The following KDM4C variants were observed in gnomAD, a reference collection of about 807,000 sequenced individuals.
KDM4C encodes lysine-specific demethylase 4C.
A neutral mutation model predicts 129.3 loss-of-function variants in KDM4C; 81 were observed. The ratio of observed to expected loss-of-function variants is 0.63; its 90% CI spans 0.52 to 0.75. KDM4C has a LOEUF of 0.75. KDM4C is among the 30% of genes least tolerant of loss of function. The pLI, the probability that KDM4C is intolerant of heterozygous loss-of-function variation, is 0.00. For missense variants in KDM4C, 1,457 were observed against 1,304.0 expected, an observed-to-expected ratio of 1.12 and a Z score of -1.81; for synonymous variants, 573 against 456.1, an observed-to-expected ratio of 1.26 and a Z score of -3.26.
chr9:7,140,865 A>C (rs1394232590), intron 19 of KDM4C, among the ~76,000 whole-genome samples: 2 of 152,282 alleles, frequency 1.3e-5, no homozygotes, highest in African/African-American at 4.8e-5. Context: ...AATATGATCC[A>C]GTAAGAGCAT....
chr9:7,012,321 C>A (rs553174098), intron 13 of KDM4C, among the ~76,000 whole-genome samples: 2 of 152,264 alleles, frequency 1.3e-5, no homozygotes, highest in South Asian at 4.1e-4. Flanking sequence ...TCAAGCAATC[C>A]TTCCGCTTTG....
At chr9:7,168,436 T>A (rs1321259688) in intron 20 of KDM4C, among the ~76,000 whole-genome samples, 1 of 152,212 alleles carries the variant, frequency 6.6e-6, no homozygotes, top group African/African-American at 2.4e-5. Flanking sequence ...GATTAGTTCA[T>A]GTTGTATTAA....
In KDM4C at chr9:7,028,040, C is replaced by T. The variant is rs546800965; in HGVS notation, c.2259+12111C>T. ...GTAAAGAAATGCTAAGAGCCAAGGC[C>T]TGGAATTGAGGACCCCAAGATCCTG... On this transcript the variant is annotated intron_variant, in intron 15 of 21. Transcript: ENST00000381309. Among the ~76,000 whole-genome samples the T allele has an allele frequency of 2.0e-5, 3 of 152,302 alleles. No individual in the cohort carries two copies. In the East Asian group the frequency reaches 5.8e-4, roughly 29 times the overall value.
intron 8 of KDM4C, among the ~76,000 whole-genome samples, chr9:6,898,466 CTTTTA>C (rs1040820067): frequency 8.5e-5 from 13 of 152,066 alleles, no homozygotes; most frequent in Admixed American, 3.9e-4. Flanking sequence ...AAAATGATAT[CTTTTA>C]TTTTAATTTT....
intron 8 of KDM4C, among the ~76,000 whole-genome samples, chr9:6,968,977 C>G (rs1175880114): frequency 6.6e-6 from 1 of 152,056 alleles, no homozygotes; most frequent in Non-Finnish European, 1.5e-5. Context: ...TGCTCTGTCA[C>G]CCAAGCTGGA....
At chr9:6,826,293 T>C (rs1833857251) in intron 4 of KDM4C, among the ~76,000 whole-genome samples, 1 of 152,118 alleles carries the variant, frequency 6.6e-6, no homozygotes, top group Admixed American at 6.5e-5. Flanking sequence ...CACTTTAAGG[T>C]AAAAGTTACC....
chr9:6,773,840 A>C (rs548469356), intron 1 of KDM4C, among the ~76,000 whole-genome samples: 1 of 151,734 alleles, frequency 6.6e-6, no homozygotes, highest in East Asian at 1.9e-4. Flanking sequence ...GATTGGGGGA[A>C]GAGACCTAGG....
In KDM4C at chr9:7,057,917, T is replaced by C. The variant is rs117824132; in HGVS notation, c.2424+8717T>C. On this transcript the variant is annotated intron_variant, in intron 17 of 21. Coordinates refer to ENST00000381309, the MANE Select transcript of KDM4C (RefSeq NM_015061.6). ...CTTCATTTTGAGCACGGACATCGCA[T>C]GTTGAAAAGCGATCTTGTTCAGGAC... Among the ~76,000 whole-genome samples the C allele has an allele frequency of 3.0e-3, 452 of 152,324 alleles. 9 individuals carry two copies. In the East Asian group the frequency reaches 0.052, roughly 17 times the overall value.
chr9:6,977,070 A>G (rs1175519834), intron 8 of KDM4C, among the ~76,000 whole-genome samples: 1 of 152,022 alleles, frequency 6.6e-6, no homozygotes, highest in East Asian at 1.9e-4. Context: ...CTGGTCTAGA[A>G]CTCCTGGGAT....
At chr9:7,004,262 A>G (rs1415931310) in intron 12 of KDM4C, among the ~76,000 whole-genome samples, 2 of 152,220 alleles carry the variant, frequency 1.3e-5, no homozygotes, top group East Asian at 1.9e-4. Context: ...TGAGTGAGTG[A>G]ACGAATCTGG....
chr9:7,064,885 C>G (rs1197605708), intron 17 of KDM4C, among the ~76,000 whole-genome samples: 3 of 152,174 alleles, frequency 2.0e-5, no homozygotes, highest in Non-Finnish European at 4.4e-5. Flanking sequence ...GATAATGTAT[C>G]TATCACCCCA....
intron 18 of KDM4C, among the ~76,000 whole-genome samples, chr9:7,122,265 A>ACACACACACTCTCTCTCT (rs375655422): frequency 4.2e-4 from 61 of 144,814 alleles, no homozygotes; most frequent in African/African-American, 1.5e-3. Flanking sequence ...ACACACACAC[A>ACACACACACTCTCTCTCT]CTCTCTCTCT....
intron 1 of KDM4C, among the ~76,000 whole-genome samples, chr9:6,747,843 T>G (rs1039133251): frequency 1.1e-4 from 17 of 152,140 alleles, no homozygotes; most frequent in African/African-American, 4.1e-4. Flanking sequence ...ATCACTGCCT[T>G]ACTGGCATTT....
At chr9:6,911,835 G>C (rs571057545) in intron 8 of KDM4C, among the ~76,000 whole-genome samples, 6 of 152,308 alleles carry the variant, frequency 3.9e-5, no homozygotes, top group Non-Finnish European at 8.8e-5. Context: ...CTGGGGCTCG[G>C]GGAGGTGGCA....
chr9:7,023,640 A>T (rs1825273403), intron 15 of KDM4C, among the ~76,000 whole-genome samples: 1 of 150,914 alleles, frequency 6.6e-6, no homozygotes, highest in Admixed American at 6.6e-5. Flanking sequence ...ACTTATTTCT[A>T]CTCTGATCTT....
At chr9:6,771,678 A>G (rs182659500) in intron 1 of KDM4C, among the ~76,000 whole-genome samples, 1 of 152,204 alleles carries the variant, frequency 6.6e-6, no homozygotes, top group African/African-American at 2.4e-5. Context: ...ATGGCCTCCC[A>G]TGAGTCCTTC....
chr9:7,066,547 A>G (rs1238322502), intron 17 of KDM4C, among the ~76,000 whole-genome samples: 2 of 152,242 alleles, frequency 1.3e-5, no homozygotes, highest in African/African-American at 4.8e-5. Context: ...ATATGATGGA[A>G]TTATTTTAAG....
intron 4 of KDM4C, chr9:6,834,567 C>G (rs1835514545): frequency 2.8e-6 from 2 of 714,458 alleles, no homozygotes; most frequent in Admixed American, 3.7e-5. Context: ...GTGTGGCACC[C>G]CAAGCACCAG....
chr9:7,105,457 C>T, intron 18 of KDM4C: 1 of 458,052 alleles, frequency 2.2e-6, no homozygotes, highest in Non-Finnish European at 4.5e-6. Flanking sequence ...ACTACTACTT[C>T]TGCTGCTGCT....
Sources: allele counts gnomAD v4.1 joint callset (sites outside exome capture counted in the v4.1 genomes callset), GRCh38; gene constraint gnomAD v4.1.1; transcripts MANE v1.5; gene names NCBI Gene and HGNC (gene_info 2026-07-23, HGNC 2026-07-21).